DNAAF4: variants seen among roughly 807,000 people sequenced by gnomAD.
The protein encoded by DNAAF4 is dynein assembly factor 4, axonemal.
DNAAF4 carries 43 observed loss-of-function variants against 51.8 expected under a neutral mutation model. The observed-to-expected ratio is 0.83, with a 90% confidence interval of 0.65 to 1.07. The LOEUF (loss-of-function observed/expected upper bound fraction) is 1.07, where lower values mean the gene tolerates loss of function less well. Among genes scored for constraint, DNAAF4 ranks in the 50% least tolerant of loss-of-function variants. The pLI, the probability that DNAAF4 is intolerant of heterozygous loss-of-function variation, is 0.00. For missense variants in DNAAF4, 581 were observed against 493.0 expected, an observed-to-expected ratio of 1.18 and a Z score of -1.69; for synonymous variants, 194 against 165.6, an observed-to-expected ratio of 1.17 and a Z score of -1.32.
At chr15:55,498,940 GAA>G (rs2058676455) in intron 1 of DNAAF4, among the ~76,000 whole-genome samples, 3 of 147,124 alleles carry the variant, frequency 2.0e-5, no homozygotes, top group African/African-American at 7.9e-5. Context: ...GAAAAAGAAA[GAA>G]AGAAAAAAAA....
chr15:55,448,306 G>A (rs189503703), intron 6 of DNAAF4, among the ~76,000 whole-genome samples: 2 of 152,014 alleles, frequency 1.3e-5, no homozygotes, highest in East Asian at 1.9e-4. Context: ...TGCTGCATTC[G>A]GTTTGCCAGC....
At chr15:55,445,546 C>G (rs889927072) in intron 6 of DNAAF4, among the ~76,000 whole-genome samples, 1 of 152,126 alleles carries the variant, frequency 6.6e-6, no homozygotes, top group Non-Finnish European at 1.5e-5. Flanking sequence ...TCTCGATGGT[C>G]GCTGTCTCTT....
Position 55,449,358 on chromosome 15 carries a change from C to T in DNAAF4, c.783+864G>A, listed in dbSNP as rs765340478. Among the ~76,000 whole-genome samples the T allele has an allele frequency of 5.9e-5, 9 of 151,640 alleles. No homozygotes were observed. The South Asian group carries it at 1.0e-3, about 18-fold the overall frequency. On this transcript the variant is annotated intron_variant, in intron 6 of 9. Transcript: ENST00000321149. ...AATCAAAGATGCATCAATTCAGCCT[C>T]GCAGTAAAAAAATGCAGTTCTTGGC...
At chr15:55,426,678 C>T (rs1430506031), downstream of DNAAF4, among the ~76,000 whole-genome samples, 1 of 152,138 alleles carries the variant, frequency 6.6e-6, no homozygotes, top group African/African-American at 2.4e-5. Context: ...TCTCAGCCTC[C>T]CAAAGTGCTG....
At chr15:55,441,824 T>G (rs1287149030) in intron 6 of DNAAF4, among the ~76,000 whole-genome samples, 2 of 152,138 alleles carry the variant, frequency 1.3e-5, no homozygotes, top group African/African-American at 4.8e-5. Context: ...GGCACAGTGG[T>G]TTAATCTCTA....
chr15:55,426,624 T>C (rs1178963836), downstream of DNAAF4, among the ~76,000 whole-genome samples: 2 of 152,106 alleles, frequency 1.3e-5, no homozygotes, highest in Non-Finnish European at 2.9e-5. Flanking sequence ...GAGCTGGGAT[T>C]GGCCAGGCTG....
intron 4 of DNAAF4, among the ~76,000 whole-genome samples, chr15:55,468,915 AC>A (rs2058208325): frequency 6.6e-6 from 1 of 152,222 alleles, no homozygotes; most frequent in South Asian, 2.1e-4. Context: ...AAGAGGAGAA[AC>A]CAAGAAAGGC....
At chr15:55,450,481 AAATAT>A in intron 5 of DNAAF4, 114 bp from the exon 6 acceptor site, 1 of 1,211,218 alleles carries the variant, frequency 8.3e-7, no homozygotes, top group Non-Finnish European at 1.1e-6. Flanking sequence ...CAAATAAATC[AAATAT>A]ATTTTCTGCA....
intron 6 of DNAAF4, among the ~76,000 whole-genome samples, chr15:55,447,797 AGGG>A (rs2057858957): frequency 9.9e-6 from 1 of 100,972 alleles, no homozygotes; most frequent in South Asian, 4.4e-4. Flanking sequence ...GAGAGGGGAG[AGGG>A]GAGAGGGCAG....
At chr15:55,482,080 T>A (rs1214876644) in intron 4 of DNAAF4, among the ~76,000 whole-genome samples, 1 of 152,230 alleles carries the variant, frequency 6.6e-6, no homozygotes. Flanking sequence ...TGGAGTGTAC[T>A]TTTGCTTCAG....
chr15:55,427,817 T>C (rs1380978586), downstream of DNAAF4, among the ~76,000 whole-genome samples: 1 of 151,842 alleles, frequency 6.6e-6, no homozygotes, highest in East Asian at 1.9e-4. Flanking sequence ...GTATTTTTAG[T>C]ACAGACAGGG....
chr15:55,473,198 A>AAAAAAAAAATAT (rs1209754897), intron 4 of DNAAF4, among the ~76,000 whole-genome samples: 1 of 75,750 alleles, frequency 1.3e-5, no homozygotes, highest in Admixed American at 1.6e-4. Flanking sequence ...AAAAAAAAAA[A>AAAAAAAAAATAT]ATATATATAT....
chr15:55,460,188 T>TC (rs1481827430), intron 5 of DNAAF4, among the ~76,000 whole-genome samples: 1 of 136,740 alleles, frequency 7.3e-6, no homozygotes, highest in Non-Finnish European at 1.6e-5. Flanking sequence ...TATTTATTTA[T>TC]TTTTTTTTTT....
chr15:55,488,946 A>G (rs7168397), intron 4 of DNAAF4, among the ~76,000 whole-genome samples: 32,265 of 151,952 alleles, frequency 0.21, 4,217 homozygotes, highest in African/African-American at 0.37. Flanking sequence ...AAAATTAGCC[A>G]GGCGTAGTGG....
At chr15:55,471,139 G>A (rs1476668301) in intron 4 of DNAAF4, among the ~76,000 whole-genome samples, 1 of 152,144 alleles carries the variant, frequency 6.6e-6, no homozygotes, top group Non-Finnish European at 1.5e-5. Context: ...GGAATTACAG[G>A]CGTAAGCCAG....
At chr15:55,500,351 T>C (rs898284352) in intron 1 of DNAAF4, among the ~76,000 whole-genome samples, 1 of 151,600 alleles carries the variant, frequency 6.6e-6, no homozygotes, top group Admixed American at 6.6e-5. Flanking sequence ...AACCCACGAA[T>C]CCCATGGACT....
intron 8 of DNAAF4, among the ~76,000 whole-genome samples, chr15:55,434,568 C>T (rs1411353545): frequency 1.3e-5 from 2 of 152,052 alleles, no homozygotes; most frequent in African/African-American, 4.8e-5. Flanking sequence ...CGCGGTGGCT[C>T]ATGTCTGTAA....
intron 5 of DNAAF4, among the ~76,000 whole-genome samples, chr15:55,454,684 CA>C (rs2057990603): frequency 6.6e-6 from 1 of 151,974 alleles, no homozygotes; most frequent in Non-Finnish European, 1.5e-5. Flanking sequence ...AATTACCAGC[CA>C]AGAAGGTAAT....
At chr15:55,491,778 T>G (rs2058578406) in intron 3 of DNAAF4, among the ~76,000 whole-genome samples, 1 of 142,556 alleles carries the variant, frequency 7.0e-6, no homozygotes, top group African/African-American at 2.6e-5. Flanking sequence ...ATATAATAGG[T>G]AAGGTTTTAT....
Sources: allele counts gnomAD v4.1 joint callset (sites outside exome capture counted in the v4.1 genomes callset), GRCh38; gene constraint gnomAD v4.1.1; transcripts MANE v1.5; gene names NCBI Gene and HGNC (gene_info 2026-07-23, HGNC 2026-07-21).